Variants in MICAL3 observed in about 807,000 individuals in gnomAD.
The protein encoded by MICAL3 is microtubule associated monooxygenase, calponin and LIM domain containing 3, also known as [F-actin]-monooxygenase MICAL3.
MICAL3 carries 62 observed loss-of-function variants against 207.4 expected under a neutral mutation model. The ratio of observed to expected loss-of-function variants is 0.30; its 90% CI spans 0.24 to 0.37. The LOEUF (loss-of-function observed/expected upper bound fraction) is 0.37. Among genes scored for constraint, MICAL3 ranks in the 10% least tolerant of loss-of-function variants. The pLI is 1.00. For synonymous variants in MICAL3, 1,077 were observed against 1,069.3 expected, an observed-to-expected ratio of 1.01 and a Z score of -0.14; for missense variants, 2,368 against 2,635.6, an observed-to-expected ratio of 0.90 and a Z score of 2.22.
At position 17,904,816 on chromosome 22, in the gene MICAL3, G is replaced by C. The variant is rs770714004; in HGVS notation, c.288C>G (p.Pro96=). The change falls in exon 3 of 32, where the codon CCC becomes CCG. Residue 96 remains proline (P), a synonymous_variant. Transcript: ENST00000441493. The part of the protein sequence containing the change: ...NTKCLIIGAG[P]CGLRTAIDLS... ...AGTCGATGGCTGTACGGAGACCACA[G>C]GGGCCAGCCCCAATGATGAGACACT... 2.5e-5 allele frequency: 41 copies of C among 1,613,830 alleles called. No homozygotes were observed. The highest frequency in any genetic ancestry group is 3.4e-5 in the Non-Finnish European group (40 of 1,179,832).
chr22:17,971,962 G>T (rs1935431047), intron 1 of MICAL3, among the ~76,000 whole-genome samples: 1 of 152,258 alleles, frequency 6.6e-6, no homozygotes, highest in South Asian at 2.1e-4. Flanking sequence ...AGGAAGAGGA[G>T]GATGGCAAGG....
At chr22:17,791,352 GC>G in intron 29 of MICAL3, 51 bp from the exon 30 acceptor site, 1 of 1,481,548 alleles carries the variant, frequency 6.7e-7, no homozygotes, top group Non-Finnish European at 9.3e-7. Context: ...GCCCACCCTG[GC>G]CCGCAGGAAT....
At chr22:17,853,071 T>A (rs1450340308) in intron 19 of MICAL3, among the ~76,000 whole-genome samples, 3 of 145,368 alleles carry the variant, frequency 2.1e-5, no homozygotes, top group Non-Finnish European at 4.5e-5. Context: ...CGAGACTCCA[T>A]CTCAAAAAAA....
intron 1 of MICAL3, among the ~76,000 whole-genome samples, chr22:17,951,207 T>C (rs750487968): frequency 1.3e-5 from 2 of 152,162 alleles, no homozygotes; most frequent in Non-Finnish European, 2.9e-5. Context: ...CCCTGCAGTG[T>C]GCCCACTGTG....
At chr22:17,865,334 G>T (rs1192958581) in intron 18 of MICAL3, among the ~76,000 whole-genome samples, 6 of 152,166 alleles carry the variant, frequency 3.9e-5, no homozygotes, top group African/African-American at 1.2e-4. Context: ...TGACAGGCAG[G>T]CGTGCTGACA....
chr22:17,961,321 C>T (rs1466072738), intron 1 of MICAL3, among the ~76,000 whole-genome samples: 1 of 152,196 alleles, frequency 6.6e-6, no homozygotes, highest in South Asian at 2.1e-4. Flanking sequence ...AAAGCACAAA[C>T]ATAAATCTCC....
Position 17,817,952 on chromosome 22 carries a change from G to A in MICAL3, c.4709C>T (p.Ala1570Val). 6.2e-7 allele frequency: 1 copy of A among 1,612,502 alleles called. No homozygotes were observed. Residue 1570 changes from alanine (A) to valine (V), a missense_variant, in exon 26 of 32, where the codon GCT (alanine) becomes GTT (valine). Physicochemically the swap from Ala to Val is moderately conservative, Grantham distance 64. Transcript: ENST00000441493. ...CTGTGGCTGCAGCGTCCCCTCCAGA[G>A]CAGGCAGCCTCCCGTTCTCCTTGGC... ...PLAKENGRLP[A>V]LEGTLQPQKR...
intron 19 of MICAL3, chr22:17,860,500 C>A: frequency 2.0e-6 from 2 of 985,482 alleles, no homozygotes; most frequent in East Asian, 1.1e-4. Context: ...GAAAAGTGAA[C>A]CCCTTGGTGC....
At chr22:17,894,796 CAAAAAA>C (rs549154429) in intron 10 of MICAL3, among the ~76,000 whole-genome samples, 1 of 78,328 alleles carries the variant, frequency 1.3e-5, no homozygotes, top group African/African-American at 3.9e-5. Context: ...GATTCCATCT[CAAAAAA>C]AAAAAAAAAA....
intron 16 of MICAL3, among the ~76,000 whole-genome samples, chr22:17,877,585 T>TGGAGGTTAG (rs918906201): frequency 7.3e-6 from 1 of 136,790 alleles, no homozygotes; most frequent in Non-Finnish European, 1.6e-5. Context: ...AGGGAAGTTA[T>TGGAGGTTAG]GGAGGTTAGG....
intron 1 of MICAL3, among the ~76,000 whole-genome samples, chr22:18,007,631 G>A (rs1394440266): frequency 1.3e-5 from 2 of 152,060 alleles, no homozygotes; most frequent in East Asian, 3.9e-4. Context: ...GTTTTGATCA[G>A]CTATCTACCA....
chr22:17,935,443 G>A (rs1385500611), intron 1 of MICAL3, among the ~76,000 whole-genome samples: 3 of 152,184 alleles, frequency 2.0e-5, no homozygotes, highest in Admixed American at 6.5e-5. Flanking sequence ...ATGGATTACA[G>A]ACTTAAATGT....
chr22:17,860,727 C>A (rs1275388419), intron 19 of MICAL3: 1 of 985,422 alleles, frequency 1.0e-6, no homozygotes, highest in Non-Finnish European at 1.2e-6. Flanking sequence ...TCCTAGTCTG[C>A]TCTTGGGGCC....
At chr22:17,988,890 C>T (rs2146456833) in intron 1 of MICAL3, among the ~76,000 whole-genome samples, 1 of 152,354 alleles carries the variant, frequency 6.6e-6, no homozygotes, top group South Asian at 2.1e-4. Context: ...CAGCTATCCA[C>T]TTCTGTGCTC....
Position 18,021,280 on chromosome 22 carries a change from C to T in MICAL3, c.-75+3001G>A, listed in dbSNP as rs140319902. 3.3e-4 allele frequency among the ~76,000 whole-genome samples: 50 copies of T among 152,362 alleles called. 1 individual carries two copies. The highest frequency in any genetic ancestry group is 3.4e-3 in the Middle Eastern group (1 of 294). On this transcript the variant is annotated intron_variant, in intron 1 of 31. Coordinates refer to ENST00000441493, the MANE Select transcript of MICAL3 (RefSeq NM_015241.3). The stretch of plus-strand genomic sequence containing the variant: ...CCATCTACTGGGCTGGCAGCCCTCA[C>T]ATGGCTGGCCTGCCCTGTCTCGTGA...
intron 1 of MICAL3, among the ~76,000 whole-genome samples, chr22:17,949,604 T>C (rs1463683073): frequency 2.6e-5 from 4 of 152,224 alleles, no homozygotes; most frequent in African/African-American, 9.6e-5. Context: ...TAAGCGTGCA[T>C]GCCACATCTC....
chr22:18,013,622 A>T (rs918412586), intron 1 of MICAL3, among the ~76,000 whole-genome samples: 3 of 152,242 alleles, frequency 2.0e-5, no homozygotes, highest in Non-Finnish European at 2.9e-5. Context: ...TTGAGGGTGG[A>T]TGGAGGTGAC....
Position 17,823,010 on chromosome 22 carries a change from C to T in MICAL3, c.3244G>A (p.Glu1082Lys), listed in dbSNP as rs750434835. 1.8e-5 allele frequency: 29 copies of T among 1,613,830 alleles called. No individual in the cohort carries two copies. Among genetic ancestry groups the T allele is most frequent in the East Asian group, 6.7e-5 (3 of 44,890 alleles). ...LEEDVDSEPA[E>K]IEGEAAEDGD... The stretch of plus-strand genomic sequence containing the variant: ...TCCTCTGCTGCCTCCCCTTCTATCT[C>T]GGCTGGTTCTGAGTCCACATCTTCC... Residue 1082 changes from glutamate to lysine, a missense_variant, in exon 23 of 32, where the codon GAG (glutamate) becomes AAG (lysine). Physicochemically the swap from Glu to Lys is moderately conservative, Grantham distance 56. Coordinates refer to ENST00000441493, the MANE Select transcript of MICAL3 (RefSeq NM_015241.3).
At chr22:17,924,998 T>C (rs140612937) in intron 1 of MICAL3, among the ~76,000 whole-genome samples, 61 of 152,232 alleles carry the variant, frequency 4.0e-4, no homozygotes, top group African/African-American at 1.3e-3. Flanking sequence ...AACAATGAAA[T>C]TGACCAAATA....
Sources: gnomAD v4.1 joint callset for allele counts (sites outside exome capture counted in the v4.1 genomes callset) on GRCh38, gnomAD v4.1.1 for gene constraint, MANE v1.5 for transcripts, NCBI Gene and HGNC (gene_info 2026-07-23, HGNC 2026-07-21) for gene names.